Variants in STAG3 observed in about 807,000 individuals in gnomAD.
The protein encoded by STAG3 is STAG3 cohesin complex component, also known as cohesin subunit SA-3.
In STAG3, 101 loss-of-function variants were observed where a neutral mutation model predicts 160.7. The ratio of observed to expected loss-of-function variants is 0.63; its 90% CI spans 0.54 to 0.74. STAG3 has a LOEUF of 0.74. Among genes scored for constraint, STAG3 ranks in the 30% least tolerant of loss-of-function variants. The pLI, the probability that STAG3 is intolerant of heterozygous loss-of-function variation, is 0.00. For synonymous variants in STAG3, 519 were observed against 585.0 expected, an observed-to-expected ratio of 0.89 and a Z score of 1.63; for missense variants, 1,188 against 1,517.4, an observed-to-expected ratio of 0.78 and a Z score of 3.61.
At chr7:100,212,937 T>C (rs1430021762) in intron 32 of STAG3, 1 of 153,436 alleles carries the variant, frequency 6.5e-6, no homozygotes, top group Non-Finnish European at 1.5e-5. Context: ...TTACATAAAA[T>C]ATAAGGTAAA....
Position 100,177,943 on chromosome 7 carries a change from G to C in STAG3, c.-127G>C, listed in dbSNP as rs1249737172. Reference sequence around the variant, plus strand: ...GCTTTTCTGGAATCTTTCGCCCCCGGAAGGGCAGCGGCGGGCGCCTGTGTG... The same window carrying C: ...GCTTTTCTGGAATCTTTCGCCCCCGCAAGGGCAGCGGCGGGCGCCTGTGTG... On this transcript the variant is annotated 5_prime_UTR_variant, in exon 1 of 34. Transcript: ENST00000615138. 1 of 152,542 alleles carries C rather than the reference G, an allele frequency of 6.6e-6. No homozygotes were observed. Among genetic ancestry groups the C allele is most frequent in the Non-Finnish European group, 1.5e-5 (1 of 68,280 alleles). 9.4% of individuals were successfully genotyped at this position (152,542 alleles called of 1,614,324 possible).
intron 8 of STAG3, among the ~76,000 whole-genome samples, chr7:100,190,024 C>T (rs776753425): frequency 2.2e-4 from 33 of 152,218 alleles, no homozygotes; most frequent in African/African-American, 3.9e-4. Context: ...CCAGTGAACT[C>T]GCTTTAAATT....
chr7:100,205,121 ACAAGC>A lies in STAG3; in HGVS notation c.3069_3073del (p.Asp1023GlufsTer55), dbSNP rs1801519317. The A allele has an allele frequency of 6.2e-7, 1 of 1,613,996 alleles. No homozygotes were observed. On this transcript the variant is annotated frameshift_variant, in exon 28 of 34. Coordinates refer to ENST00000615138, the MANE Select transcript of STAG3 (RefSeq NM_001282717.2). LOFTEE classifies it high-confidence loss of function. ...TTTTCCCCCCGACTCTTCCATCAGG[ACAAGC>A]AGCTTTTGTAAGTTGGTGGGTGGAT...
At chr7:100,199,211 A>G (rs764901705) in intron 14 of STAG3, 51 bp from the exon 15 acceptor site, 27 of 1,225,462 alleles carry the variant, frequency 2.2e-5, no homozygotes, top group Non-Finnish European at 3.1e-5. Flanking sequence ...ACCACTTCGT[A>G]GGGTATTTTT....
intron 2 of STAG3, 113 bp from the exon 3 acceptor site, chr7:100,181,977 G>T: frequency 2.9e-5 from 17 of 577,644 alleles, no homozygotes; most frequent in East Asian, 3.2e-5. Context: ...ATCTGGATAT[G>T]TTTTTCTCAT....
chr7:100,217,198 A>G (rs2005763), downstream of STAG3, among the ~76,000 whole-genome samples: 105,148 of 152,118 alleles, frequency 0.69, 37,034 homozygotes, highest in Middle Eastern at 0.86. Flanking sequence ...CTTTATTTCT[A>G]CTGCACAACA....
chr7:100,208,703 A>G (rs1034392251), intron 29 of STAG3, among the ~76,000 whole-genome samples: 2 of 152,224 alleles, frequency 1.3e-5, no homozygotes, highest in Non-Finnish European at 2.9e-5. Flanking sequence ...TATTCATTCA[A>G]TAGATACTGA....
intron 7 of STAG3, 105 bp from the exon 8 acceptor site, chr7:100,189,340 C>T (rs1234103335): frequency 4.7e-6 from 6 of 1,280,860 alleles, no homozygotes; most frequent in Admixed American, 4.4e-5. Flanking sequence ...CCTGCTCTGA[C>T]GTCTCATTTT....
intron 7 of STAG3, 65 bp downstream of exon 7, chr7:100,189,081 A>C: frequency 1.3e-6 from 2 of 1,562,574 alleles, no homozygotes; most frequent in South Asian, 2.2e-5. Context: ...CTGTTCTCTG[A>C]TTCAGGATCT....
chr7:100,215,584 A>C (rs1385108054), downstream of STAG3, among the ~76,000 whole-genome samples: 7 of 152,188 alleles, frequency 4.6e-5, no homozygotes, highest in Admixed American at 2.6e-4. Context: ...AGGAGGGGAA[A>C]GATTCCTGAA....
chr7:100,198,737 C>T (rs1800856096), intron 13 of STAG3, 106 bp from the exon 14 acceptor site: 18 of 1,253,792 alleles, frequency 1.4e-5, no homozygotes, highest in Non-Finnish European at 5.8e-6. Flanking sequence ...TTAGCTCTCA[C>T]CTCCTTTTCC....
intron 29 of STAG3, among the ~76,000 whole-genome samples, chr7:100,206,095 A>AGC (rs1801626843): frequency 6.6e-6 from 1 of 151,622 alleles, no homozygotes; most frequent in South Asian, 2.1e-4. Flanking sequence ...GCTCACTGCA[A>AGC]GCTCTGCCTC....
In STAG3 at chr7:100,200,333, C is replaced by A. The variant is rs767779828; in HGVS notation, c.1770+5C>A. 1.2e-6 allele frequency: 2 copies of A among 1,613,736 alleles called. No homozygotes were observed. Among genetic ancestry groups the A allele is most frequent in the African/African-American group, 1.3e-5 (1 of 75,014 alleles). On this transcript the variant is annotated splice_donor_5th_base_variant and intron_variant, in intron 17 of 33. Coordinates refer to ENST00000615138, the MANE Select transcript of STAG3 (RefSeq NM_001282717.2). ...CTGCCCCAGCTCCTGGCCAAGGTAC[C>A]GCTGCCCCTCCACTCTGCATCACAC...
intron 21 of STAG3, 40 bp from the exon 22 acceptor site, chr7:100,201,746 C>T: frequency 6.3e-7 from 1 of 1,591,340 alleles, no homozygotes; most frequent in Non-Finnish European, 8.6e-7. Context: ...TCTCCCTCTC[C>T]TAACCCAAAC....
At chr7:100,192,619 C>T (rs893174469) in intron 8 of STAG3, among the ~76,000 whole-genome samples, 4 of 152,208 alleles carry the variant, frequency 2.6e-5, no homozygotes, top group Non-Finnish European at 5.9e-5. Context: ...AAGACAGGGT[C>T]TCGCTCTGTT....
downstream of STAG3, among the ~76,000 whole-genome samples, chr7:100,217,663 C>T (rs180688769): frequency 1.8e-3 from 279 of 152,146 alleles, 1 homozygote; most frequent in African/African-American, 5.7e-3. Context: ...GTAAGGAGTG[C>T]GAGTCATCTC....
chr7:100,191,241 C>T (rs1327458530), intron 8 of STAG3, among the ~76,000 whole-genome samples: 4 of 152,140 alleles, frequency 2.6e-5, no homozygotes, highest in Non-Finnish European at 5.9e-5. Flanking sequence ...AATCTTTAGA[C>T]ACTGCTAAAT....
chr7:100,193,687 A>G (rs1800480874), intron 8 of STAG3, among the ~76,000 whole-genome samples: 1 of 152,206 alleles, frequency 6.6e-6, no homozygotes, highest in South Asian at 2.1e-4. Context: ...GAAAACAGCT[A>G]GGACATTGAT....
At chr7:100,188,416 T>C (rs1800160259) in intron 5 of STAG3, 37 bp from the exon 6 acceptor site, 1 of 1,350,524 alleles carries the variant, frequency 7.4e-7, no homozygotes, top group Non-Finnish European at 1.1e-6. Context: ...CATCCTGTTA[T>C]TTTCCTTGTA....
Sources: allele counts gnomAD v4.1 joint callset (sites outside exome capture counted in the v4.1 genomes callset), GRCh38; gene constraint gnomAD v4.1.1; transcripts MANE v1.5; gene names NCBI Gene and HGNC (gene_info 2026-07-23, HGNC 2026-07-21).